The following COL4A1 variants were observed in gnomAD, a reference collection of about 807,000 sequenced individuals.
The protein encoded by COL4A1 is collagen alpha-1(IV) chain.
In COL4A1, 40 loss-of-function variants were observed where a neutral mutation model predicts 216.6. The observed-to-expected ratio is 0.18, with a 90% CI of 0.14 to 0.24. The LOEUF (loss-of-function observed/expected upper bound fraction) is 0.24. COL4A1 is among the 10% of genes least tolerant of loss of function. The pLI, the probability that COL4A1 is intolerant of heterozygous loss-of-function variation, is 1.00. For synonymous variants in COL4A1, 839 were observed against 810.7 expected (o/e 1.03, Z -0.59); for missense variants, 1,628 against 2,196.8 (o/e 0.74, Z 5.18).
intron 1 of COL4A1, among the ~76,000 whole-genome samples, chr13:110,277,444 A>G (rs1223701527): frequency 1.3e-5 from 2 of 152,208 alleles, no homozygotes; most frequent in Non-Finnish European, 2.9e-5. Flanking sequence ...TAATATAATA[A>G]TCCCTCCTGC....
At chr13:110,212,767 A>C (rs915338895) in intron 4 of COL4A1, 149 bp from the exon 5 acceptor site, 15 of 885,672 alleles carry the variant, frequency 1.7e-5, no homozygotes, top group Non-Finnish European at 2.3e-5. Flanking sequence ...AAGAGGCAGC[A>C]GAGGGCACAG....
chr13:110,262,712 A>T (rs1381779576), intron 1 of COL4A1, among the ~76,000 whole-genome samples: 1 of 152,206 alleles, frequency 6.6e-6, no homozygotes, highest in Non-Finnish European at 1.5e-5. Flanking sequence ...TCAGGGAAAC[A>T]CGCATCTCCT....
At chr13:110,266,877 C>A (rs1438935502) in intron 1 of COL4A1, among the ~76,000 whole-genome samples, 1 of 152,106 alleles carries the variant, frequency 6.6e-6, no homozygotes, top group Non-Finnish European at 1.5e-5. Context: ...GGAAAGCATG[C>A]CAGCGTTTAT....
chr13:110,233,020 C>T (rs1232062518), intron 2 of COL4A1, among the ~76,000 whole-genome samples: 1 of 152,252 alleles, frequency 6.6e-6, no homozygotes, highest in Admixed American at 6.5e-5. Flanking sequence ...GTATCAGTGA[C>T]GTCCAAGGCA....
intron 1 of COL4A1, among the ~76,000 whole-genome samples, chr13:110,285,919 T>G (rs900509596): frequency 3.9e-5 from 6 of 152,204 alleles, no homozygotes; most frequent in African/African-American, 1.2e-4. Flanking sequence ...CTGGGAAAAC[T>G]GACTCAGAGC....
At chr13:110,155,904 C>T (rs867950873) in intron 49 of COL4A1, among the ~76,000 whole-genome samples, 2 of 152,092 alleles carry the variant, frequency 1.3e-5, no homozygotes, top group South Asian at 4.1e-4. Context: ...AAGAGTGAAA[C>T]TCCGTCTCAA....
At chr13:110,219,660 A>ATATG (rs1566384642) in intron 2 of COL4A1, among the ~76,000 whole-genome samples, 4 of 119,290 alleles carry the variant, frequency 3.4e-5, no homozygotes, top group African/African-American at 1.2e-4. Context: ...ATATATATAT[A>ATATG]TGTATATATA....
chr13:110,246,137 G>A (rs1881798251), intron 1 of COL4A1, among the ~76,000 whole-genome samples: 1 of 142,120 alleles, frequency 7.0e-6, no homozygotes. Flanking sequence ...TATGTAAATG[G>A]TTTTGTTAAA....
In COL4A1 at chr13:110,163,546, A is replaced by G. The variant is rs1357289362; in HGVS notation, c.4166T>C (p.Val1389Ala). Residue 1389 changes from valine (V) to alanine (A), a missense_variant, in exon 47 of 52, where the codon GTG becomes GCG. By Grantham distance (64) the Val-to-Ala change is moderately conservative. Around this residue, in one of 8 missense-constraint regions of COL4A1, gnomAD observed 345 missense variants for 476.9 expected, o/e 0.72. Coordinates refer to ENST00000375820, the MANE Select transcript of COL4A1 (RefSeq NM_001845.6). ...PKGQQGVTGL[V>A]GIPGPPGIPG... ...AATACCTGGAGGTCCAGGTATACCC[A>G]CCAATCCTGTAACACCTGAGGCAGA... is the stretch of plus-strand genomic sequence containing the variant. 9 of 1,613,894 alleles carry G rather than the reference A, an allele frequency of 5.6e-6. No homozygotes were observed. Among genetic ancestry groups the G allele is most frequent in the Non-Finnish European group, 7.6e-6 (9 of 1,179,948 alleles).
chr13:110,232,493 C>A (rs1485799369), intron 2 of COL4A1, among the ~76,000 whole-genome samples: 2 of 152,100 alleles, frequency 1.3e-5, no homozygotes, highest in African/African-American at 4.8e-5. Flanking sequence ...AATCCCATTG[C>A]CCAGTTTTCA....
intron 1 of COL4A1, among the ~76,000 whole-genome samples, chr13:110,260,311 C>A (rs1882764287): frequency 6.6e-6 from 1 of 152,194 alleles, no homozygotes; most frequent in Non-Finnish European, 1.5e-5. Flanking sequence ...GACTTATTCG[C>A]TACCAGGAGA....
intron 2 of COL4A1, among the ~76,000 whole-genome samples, chr13:110,219,651 T>C (rs1016304346): frequency 8.4e-6 from 1 of 118,436 alleles, no homozygotes; most frequent in Non-Finnish European, 1.7e-5. Flanking sequence ...GTTGAAAATA[T>C]ATATATATAT....
Position 110,307,096 on chromosome 13 carries a change from C to G in COL4A1, c.-69G>C. 1 of 1,264,270 alleles carries G rather than the reference C, an allele frequency of 7.9e-7. No homozygotes were observed. Among genetic ancestry groups the G allele is most frequent in the Non-Finnish European group, 1.0e-6 (1 of 965,896 alleles). 78.3% of individuals were successfully genotyped at this position (1,264,270 alleles called of 1,614,324 possible). ...GGGGCCGCGGCGGACAGCTAGCTCT[C>G]GGAAGGCCGGACTTCCAGCGCTACG... is the stretch of plus-strand genomic sequence containing the variant. On this transcript the variant is annotated 5_prime_UTR_variant, in exon 1 of 52. Coordinates refer to ENST00000375820, the MANE Select transcript of COL4A1 (RefSeq NM_001845.6). This position sits in a 1 kb window ranked among gnomAD's most constrained non-coding sequence, Gnocchi z 5.0.
At chr13:110,253,287 TAC>T (rs1164873619) in intron 1 of COL4A1, among the ~76,000 whole-genome samples, 14 of 98,710 alleles carry the variant, frequency 1.4e-4, no homozygotes, top group African/African-American at 4.8e-4. Flanking sequence ...TTATATGTAT[TAC>T]ATATACATAT....
intron 12 of COL4A1, 50 bp downstream of exon 12, chr13:110,208,799 G>A (rs753972698): frequency 5.7e-6 from 9 of 1,567,100 alleles, no homozygotes; most frequent in Admixed American, 3.3e-5. Context: ...ACTGTCAGGT[G>A]AGGACTGTGG....
intron 2 of COL4A1, among the ~76,000 whole-genome samples, chr13:110,229,344 G>A (rs969260076): frequency 5.3e-5 from 8 of 152,160 alleles, no homozygotes; most frequent in African/African-American, 1.9e-4. Context: ...CATTTAGAAG[G>A]GTTTTAGAGG....
chr13:110,182,958 T>C, intron 28 of COL4A1, 35 bp downstream of exon 28: 1 of 1,581,902 alleles, frequency 6.3e-7, no homozygotes, highest in Non-Finnish European at 8.6e-7. Context: ...AAGTCACAGG[T>C]GGACCAAAGG....
chr13:110,290,513 G>A (rs570550631), intron 1 of COL4A1, among the ~76,000 whole-genome samples: 2 of 151,992 alleles, frequency 1.3e-5, no homozygotes, highest in African/African-American at 4.8e-5. Flanking sequence ...AGGCTCCTCC[G>A]GCTTCCTCGA....
chr13:110,237,608 A>C (rs944306992), intron 2 of COL4A1, among the ~76,000 whole-genome samples: 3 of 152,230 alleles, frequency 2.0e-5, no homozygotes, highest in Non-Finnish European at 2.9e-5. Flanking sequence ...TGTATAATAG[A>C]TATTACAATA....
Sources: gnomAD v4.1 joint callset for allele counts (sites outside exome capture counted in the v4.1 genomes callset) on GRCh38, gnomAD v4.1.1 for gene constraint, gnomAD v4.1.1 regional missense constraint, Gnocchi (gnomAD v3.1) non-coding constraint, MANE v1.5 for transcripts, NCBI Gene and HGNC (gene_info 2026-07-23, HGNC 2026-07-21) for gene names.